The following SMYD3 variants were observed in gnomAD, a reference collection of about 807,000 sequenced individuals.
SMYD3 encodes the protein histone-lysine N-methyltransferase SMYD3.
SMYD3 carries 36 observed loss-of-function variants against 57.7 expected under a neutral mutation model. The ratio of observed to expected loss-of-function variants is 0.62; its 90% CI spans 0.48 to 0.82. SMYD3 has a LOEUF of 0.82. SMYD3 is among the 40% of genes least tolerant of loss of function. The pLI is 0.00. For missense variants in SMYD3, 515 were observed against 538.8 expected, an observed-to-expected ratio of 0.96 and a Z score of 0.44; for synonymous variants, 211 against 195.0, an observed-to-expected ratio of 1.08 and a Z score of -0.68.
At chr1:246,175,872 T>C (rs1056723557) in intron 5 of SMYD3, among the ~76,000 whole-genome samples, 6 of 152,208 alleles carry the variant, frequency 3.9e-5, no homozygotes, top group African/African-American at 1.2e-4. Context: ...CCAAGTATAT[T>C]ATACTGTGCA....
intron 5 of SMYD3, among the ~76,000 whole-genome samples, chr1:246,237,327 A>G (rs188133851): frequency 4.6e-5 from 7 of 152,300 alleles, no homozygotes; most frequent in Admixed American, 2.6e-4. Context: ...TCCAACCAAG[A>G]TATGAGGAAC....
chr1:245,999,119 G>C (rs187757342), intron 5 of SMYD3, among the ~76,000 whole-genome samples: 1 of 151,700 alleles, frequency 6.6e-6, no homozygotes, highest in South Asian at 2.1e-4. Context: ...TACACTCAGA[G>C]ATCATTCAAA....
At chr1:246,109,820 G>A (rs1242027877) in intron 5 of SMYD3, 1 of 152,222 alleles carries the variant, frequency 6.6e-6, no homozygotes, top group East Asian at 1.9e-4. Context: ...AAGCAGCCCA[G>A]TCTTACTATG....
At chr1:246,373,453 AT>A (rs1167405971) in intron 1 of SMYD3, among the ~76,000 whole-genome samples, 1 of 152,194 alleles carries the variant, frequency 6.6e-6, no homozygotes, top group Non-Finnish European at 1.5e-5. Context: ...AATTGAATTT[AT>A]TTCTAACTGG....
intron 5 of SMYD3, among the ~76,000 whole-genome samples, chr1:246,263,351 G>GTT (rs66927687): frequency 0.16 from 24,380 of 152,010 alleles, 2,429 homozygotes; most frequent in East Asian, 0.34. Context: ...TATGTGACCT[G>GTT]GGCACATACC....
rs572082362 is a variant in SMYD3 at position 246,185,385 on chromosome 1, C to T, written c.531+141816G>A. Among the ~76,000 whole-genome samples, 229 of 151,042 alleles carry T rather than the reference C, an allele frequency of 1.5e-3. 1 individual carries two copies. The highest frequency in any genetic ancestry group is 5.3e-3 in the African/African-American group (217 of 41,012). On this transcript the variant is annotated intron_variant, in intron 5 of 11. Transcript: ENST00000490107. ...CTGAGTAGCTGGGACTGCAGGTGCC[C>T]GCCAACACGCCCGGCTAATTTTTGT...
intron 1 of SMYD3, among the ~76,000 whole-genome samples, chr1:246,442,486 C>A (rs960080659): frequency 6.6e-6 from 1 of 151,502 alleles, no homozygotes; most frequent in Non-Finnish European, 1.5e-5. Flanking sequence ...AGGCAGAGGT[C>A]GCAATGAGCC....
At chr1:246,354,392 T>G (rs979523881) in intron 2 of SMYD3, among the ~76,000 whole-genome samples, 1 of 152,200 alleles carries the variant, frequency 6.6e-6, no homozygotes, top group Admixed American at 6.5e-5. Context: ...AAAAGGCATA[T>G]ATCCTTTCAA....
chr1:246,221,921 A>AC (rs1381084169), intron 5 of SMYD3, among the ~76,000 whole-genome samples: 3 of 152,108 alleles, frequency 2.0e-5, no homozygotes, highest in African/African-American at 4.8e-5. Context: ...GAAAAGTGAC[A>AC]CCCCAAAGAC....
intron 10 of SMYD3, among the ~76,000 whole-genome samples, chr1:245,858,058 G>A (rs1475883586): frequency 6.6e-6 from 1 of 152,112 alleles, no homozygotes; most frequent in African/African-American, 2.4e-5. Flanking sequence ...AGAGATAAAG[G>A]ACCATTCTTA....
intron 5 of SMYD3, among the ~76,000 whole-genome samples, chr1:245,960,155 T>C (rs557529455): frequency 6.6e-6 from 1 of 152,296 alleles, no homozygotes; most frequent in African/African-American, 2.4e-5. Context: ...GAAATTGGCA[T>C]TGACTTACAA....
chr1:246,193,748 C>G (rs1011827766), intron 5 of SMYD3: 1 of 53,596 alleles, frequency 1.9e-5, no homozygotes, highest in Non-Finnish European at 6.4e-5. Context: ...CAGCACACTT[C>G]CTGTAGATCT....
intron 4 of SMYD3, among the ~76,000 whole-genome samples, chr1:246,329,709 G>C (rs547065695): frequency 1.6e-4 from 25 of 152,106 alleles, no homozygotes; most frequent in African/African-American, 6.0e-4. Context: ...GATCCCATTT[G>C]TCAATTTTTG....
intron 1 of SMYD3, among the ~76,000 whole-genome samples, chr1:246,356,422 G>T (rs1226218185): frequency 6.6e-6 from 1 of 152,144 alleles, no homozygotes; most frequent in Non-Finnish European, 1.5e-5. Flanking sequence ...CGGCTCACCA[G>T]CAATGGATCC....
At chr1:246,243,224 C>T (rs1169774032) in intron 5 of SMYD3, among the ~76,000 whole-genome samples, 1 of 151,962 alleles carries the variant, frequency 6.6e-6, no homozygotes, top group Non-Finnish European at 1.5e-5. Context: ...GTTCCGTGAT[C>T]TTCTAGAATT....
chr1:246,051,255 G>C (rs747325733), intron 5 of SMYD3, among the ~76,000 whole-genome samples: 3 of 151,456 alleles, frequency 2.0e-5, no homozygotes, highest in Non-Finnish European at 4.4e-5. Flanking sequence ...TGAGTAGCTG[G>C]GACCACAGGT....
intron 1 of SMYD3, among the ~76,000 whole-genome samples, chr1:246,466,510 C>A (rs958153250): frequency 3.3e-5 from 5 of 152,106 alleles, no homozygotes; most frequent in Non-Finnish European, 5.9e-5. Context: ...GGACAACAGA[C>A]ACTGGGGCCT....
At chr1:246,260,553 C>T (rs192383319) in intron 5 of SMYD3, among the ~76,000 whole-genome samples, 9 of 152,108 alleles carry the variant, frequency 5.9e-5, no homozygotes, top group East Asian at 1.9e-4. Flanking sequence ...CAAGTTCAAG[C>T]GATTCTCCTG....
intron 5 of SMYD3, among the ~76,000 whole-genome samples, chr1:246,085,724 A>G (rs930556472): frequency 6.6e-6 from 1 of 152,138 alleles, no homozygotes; most frequent in Non-Finnish European, 1.5e-5. Context: ...TCATTTCCTT[A>G]TGAAGTCTCC....
Sources: gnomAD v4.1 joint callset for allele counts (sites outside exome capture counted in the v4.1 genomes callset) on GRCh38, gnomAD v4.1.1 for gene constraint, MANE v1.5 for transcripts, NCBI Gene and HGNC (gene_info 2026-07-23, HGNC 2026-07-21) for gene names.